Variants in VWA3B observed in about 807,000 individuals in gnomAD.
VWA3B encodes the protein von Willebrand factor A domain-containing protein 3B.
In VWA3B, 138 loss-of-function variants were observed where a neutral mutation model predicts 158.3. That is an observed-to-expected ratio of 0.87 (90% CI 0.76 to 1.00). The LOEUF is 1.00. VWA3B is among the 50% of genes least tolerant of loss of function. The pLI is 0.00. For synonymous variants in VWA3B, 596 were observed against 587.3 expected (o/e 1.01, Z -0.21); for missense variants, 1,555 against 1,565.1 (o/e 0.99, Z 0.11).
At chr2:98,275,629 T>C (rs1216050506) in intron 22 of VWA3B, among the ~76,000 whole-genome samples, 1 of 152,260 alleles carries the variant, frequency 6.6e-6, no homozygotes, top group African/African-American at 2.4e-5. Flanking sequence ...GTACTTCACA[T>C]ACCTGGGAGA....
chr2:98,218,958 CA>C (rs2105609388), intron 14 of VWA3B, among the ~76,000 whole-genome samples: 1 of 152,280 alleles, frequency 6.6e-6, no homozygotes, highest in East Asian at 1.9e-4. Flanking sequence ...GTAGTGGGAG[CA>C]ACCAAACACT....
intron 19 of VWA3B, among the ~76,000 whole-genome samples, chr2:98,237,905 T>C (rs749425887): frequency 6.6e-6 from 1 of 152,166 alleles, no homozygotes; most frequent in Non-Finnish European, 1.5e-5. Flanking sequence ...ATGAAATAGA[T>C]AGACCACACG....
In VWA3B at chr2:98,128,328, A is replaced by G; in HGVS notation, c.792A>G (p.Pro264=). ...AGAGGGCCTTGGAGATCCCGTGTCC[A>G]GTCTACACAGTGTCCTTCAACGCCA... is the stretch of plus-strand genomic sequence containing the variant. ...LLQRALEIPC[P]VYTVSFNARG... The change falls in exon 6 of 28, where the codon CCA becomes CCG. Residue 264 remains proline, a synonymous_variant. Transcript: ENST00000477737. The G allele has an allele frequency of 1.9e-6, 3 of 1,614,114 alleles. No individual in the cohort carries two copies. The highest frequency in any genetic ancestry group is 2.5e-6 in the Non-Finnish European group (3 of 1,180,028).
At chr2:98,298,417 CTAT>C (rs1558773675) in intron 24 of VWA3B, among the ~76,000 whole-genome samples, 16 of 151,182 alleles carry the variant, frequency 1.1e-4, no homozygotes, top group Non-Finnish European at 1.6e-4. Flanking sequence ...CTATTCTATT[CTAT>C]TCTATTCTAT....
chr2:98,087,951 T>C (rs1404529066), intron 1 of VWA3B, among the ~76,000 whole-genome samples: 1 of 152,218 alleles, frequency 6.6e-6, no homozygotes, highest in African/African-American at 2.4e-5. Context: ...AGCACTCCAA[T>C]TATTCTCAGA....
At chr2:98,241,135 C>G (rs1430772252) in intron 19 of VWA3B, among the ~76,000 whole-genome samples, 1 of 152,014 alleles carries the variant, frequency 6.6e-6, no homozygotes, top group African/African-American at 2.4e-5. Context: ...CTTGCCTTAG[C>G]TAGTGGCATC....
intron 25 of VWA3B, among the ~76,000 whole-genome samples, chr2:98,302,851 A>G (rs989855417): frequency 6.6e-6 from 1 of 152,128 alleles, no homozygotes; most frequent in Non-Finnish European, 1.5e-5. Context: ...TGGGAAATGA[A>G]ATTTAGGGTT....
intron 10 of VWA3B, 106 bp downstream of exon 10, chr2:98,188,235 G>T: frequency 5.6e-6 from 8 of 1,417,098 alleles, no homozygotes; most frequent in Non-Finnish European, 7.7e-6. Context: ...CATAATGATT[G>T]TACCTATTTA....
At chr2:98,320,968 C>T in the VWA3B span, among the ~76,000 whole-genome samples, 1 of 152,164 alleles carries the variant, frequency 6.6e-6, no homozygotes, top group African/African-American at 2.4e-5. Context: ...GGCCTAGAGG[C>T]GTAGGACGGA....
intron 12 of VWA3B, among the ~76,000 whole-genome samples, chr2:98,209,512 C>T (rs1379652743): frequency 1.3e-5 from 2 of 152,148 alleles, no homozygotes; most frequent in Non-Finnish European, 2.9e-5. Context: ...GATCTCCTGA[C>T]CTCATGATCT....
intron 12 of VWA3B, among the ~76,000 whole-genome samples, chr2:98,200,069 G>T (rs1156832734): frequency 6.6e-6 from 1 of 152,134 alleles, no homozygotes; most frequent in South Asian, 2.1e-4. Context: ...AAGATGTCTC[G>T]TAGTATCCTA....
intron 8 of VWA3B, among the ~76,000 whole-genome samples, chr2:98,179,786 T>TTTTCTTTC (rs202210762): frequency 0.035 from 4,065 of 116,654 alleles, 83 homozygotes; most frequent in Non-Finnish European, 0.052. Flanking sequence ...TTTCTCTTTC[T>TTTTCTTTC]TTTCTTTCTT....
chr2:98,134,027 A>G, intron 7 of VWA3B, 88 bp downstream of exon 7: 1 of 1,058,150 alleles, frequency 9.5e-7, no homozygotes, highest in Non-Finnish European at 1.5e-6. Context: ...TACGAGGGAG[A>G]GACTCCCCAT....
At chr2:98,100,129 C>A (rs899233509) in intron 2 of VWA3B, among the ~76,000 whole-genome samples, 6 of 152,180 alleles carry the variant, frequency 3.9e-5, no homozygotes, top group Admixed American at 2.6e-4. Flanking sequence ...CTGGATCGTT[C>A]TTGATCCTTG....
intron 23 of VWA3B, among the ~76,000 whole-genome samples, chr2:98,292,964 CA>C (rs1222646973): frequency 7.7e-5 from 11 of 143,272 alleles, no homozygotes; most frequent in African/African-American, 1.3e-4. Context: ...ACTCTATCTC[CA>C]AAAAAAAAAG....
At chr2:98,215,872 C>T (rs975794097) in intron 13 of VWA3B, among the ~76,000 whole-genome samples, 12 of 149,860 alleles carry the variant, frequency 8.0e-5, no homozygotes, top group Admixed American at 5.9e-4. Context: ...ACTGCCCTTT[C>T]GACACACGTG....
At chr2:98,329,277 G>A in the VWA3B span, among the ~76,000 whole-genome samples, 7 of 152,178 alleles carry the variant, frequency 4.6e-5, no homozygotes, top group Non-Finnish European at 1.0e-4. Context: ...ATGGAGGTAG[G>A]CTAATGTTTA....
At chr2:98,117,463 G>A (rs1559546229) in intron 3 of VWA3B, among the ~76,000 whole-genome samples, 1 of 152,136 alleles carries the variant, frequency 6.6e-6, no homozygotes, top group Non-Finnish European at 1.5e-5. Flanking sequence ...CCTTGAGGTC[G>A]AACACTGGCT....
chr2:98,151,258 A>G (rs1295698181), intron 7 of VWA3B, among the ~76,000 whole-genome samples: 1 of 152,054 alleles, frequency 6.6e-6, no homozygotes, highest in Non-Finnish European at 1.5e-5. Context: ...GATTACAGGC[A>G]TCCGCCATGA....
Sources: gnomAD v4.1 joint callset for allele counts (sites outside exome capture counted in the v4.1 genomes callset) on GRCh38, gnomAD v4.1.1 for gene constraint, MANE v1.5 for transcripts, NCBI Gene and HGNC (gene_info 2026-07-23, HGNC 2026-07-21) for gene names.